Variants in NEMP2 observed in about 807,000 individuals in gnomAD.
The protein encoded by NEMP2 is nuclear envelope integral membrane protein 2, also known as UPF0571 transmembrane protein.
In NEMP2, 53 loss-of-function variants were observed where a neutral mutation model predicts 54.2. The ratio of observed to expected loss-of-function variants is 0.98; its 90% CI spans 0.78 to 1.23. NEMP2 has a LOEUF of 1.23. Ranked by LOEUF, NEMP2 falls within the 50% of genes most tolerant of loss-of-function variation. The probability of loss-of-function intolerance (pLI) is 0.00; values close to 1 mark genes in which losing one functional copy is unlikely to be tolerated. For missense variants in NEMP2, 455 were observed against 511.3 expected (o/e 0.89, Z 1.06); for synonymous variants, 197 against 190.3 (o/e 1.04, Z -0.29).
the NEMP2 span, among the ~76,000 whole-genome samples, chr2:190,562,655 T>C: frequency 6.6e-6 from 1 of 152,280 alleles, no homozygotes; most frequent in African/African-American, 2.4e-5. This position sits in a 1 kb window ranked among gnomAD's most constrained non-coding sequence, Gnocchi z 5.0. Flanking sequence ...GAAGATGGTC[T>C]CTATGACTCT....
the NEMP2 span, among the ~76,000 whole-genome samples, chr2:190,443,168 GC>G: frequency 6.6e-6 from 1 of 152,122 alleles, no homozygotes; most frequent in Non-Finnish European, 1.5e-5. This position sits in a 1 kb window ranked among gnomAD's most constrained non-coding sequence, Gnocchi z 4.2. Context: ...TCCTAGGTGG[GC>G]CTAAGACATA....
At chr2:190,599,034 T>C in the NEMP2 span, among the ~76,000 whole-genome samples, 1 of 152,060 alleles carries the variant, frequency 6.6e-6, no homozygotes, top group Non-Finnish European at 1.5e-5. Context: ...AAACAAGGAG[T>C]ATGGGCCAGG....
the NEMP2 span, among the ~76,000 whole-genome samples, chr2:190,557,512 A>G: frequency 6.6e-6 from 1 of 152,238 alleles, no homozygotes; most frequent in African/African-American, 2.4e-5. Context: ...ACAGCAAAAG[A>G]AACTATCATC....
At chr2:190,458,832 G>A in the NEMP2 span, among the ~76,000 whole-genome samples, 1 of 152,200 alleles carries the variant, frequency 6.6e-6, no homozygotes, top group Non-Finnish European at 1.5e-5. The surrounding 1 kb of genome is among the most constrained non-coding windows in gnomAD (Gnocchi z 5.3). Context: ...ATCAGAACCT[G>A]CATCTCTCCC....
Position 190,505,667 on chromosome 2 carries a change from A to C in NEMP2, c.*3522T>G, listed in dbSNP as rs1690170017. 1 of 152,262 alleles carries C rather than the reference A, an allele frequency of 6.6e-6. No homozygotes were observed. The highest frequency in any genetic ancestry group is 1.5e-5 in the Non-Finnish European group (1 of 68,050). The allele number at this position is 152,262 out of a possible 1,614,324, so 9.4% of individuals were successfully genotyped here. A position where few individuals can be genotyped will look rare whatever the true frequency, so the allele number is the denominator to read the frequency against. ...AAAAAAATACAGTTACCTTTAAAAG[A>C]TAATCCAACTCCTAGGCCAGAGAAA... is the stretch of plus-strand genomic sequence containing the variant. On this transcript the variant is annotated 3_prime_UTR_variant, in exon 9 of 9. Transcript: ENST00000409150. This position sits in a 1 kb window ranked among gnomAD's most constrained non-coding sequence, Gnocchi z 5.8.
chr2:190,548,400 A>G, the NEMP2 span, among the ~76,000 whole-genome samples: 1 of 152,196 alleles, frequency 6.6e-6, no homozygotes, highest in Non-Finnish European at 1.5e-5. Flanking sequence ...GGCTTCATAA[A>G]TATGTATTCC....
the NEMP2 span, among the ~76,000 whole-genome samples, chr2:190,567,148 T>G: frequency 6.6e-5 from 10 of 152,060 alleles, no homozygotes; most frequent in East Asian, 1.4e-3. The surrounding 1 kb of genome is among the most constrained non-coding windows in gnomAD (Gnocchi z 4.0). Context: ...AAAAGAACAA[T>G]TAGATAAAAA....
At chr2:190,444,694 T>C in the NEMP2 span, 9 of 154,540 alleles carry the variant, frequency 5.8e-5, no homozygotes, top group African/African-American at 1.9e-4. Context: ...ACTCCTGAAA[T>C]TGGATAATCA....
chr2:190,580,265 T>C, the NEMP2 span, among the ~76,000 whole-genome samples: 2 of 152,106 alleles, frequency 1.3e-5, no homozygotes, highest in African/African-American at 4.8e-5. This position sits in a 1 kb window ranked among gnomAD's most constrained non-coding sequence, Gnocchi z 5.3. Context: ...ATCCACAGAA[T>C]CACAAAATTA....
the NEMP2 span, chr2:190,442,950 A>G: frequency 6.6e-6 from 1 of 152,200 alleles, no homozygotes; most frequent in African/African-American, 2.4e-5. Flanking sequence ...TGTCTCCAAG[A>G]TAGTATTTCA....
chr2:190,588,738 G>A, the NEMP2 span, among the ~76,000 whole-genome samples: 1 of 152,118 alleles, frequency 6.6e-6, no homozygotes, highest in Non-Finnish European at 1.5e-5. This position sits in a 1 kb window ranked among gnomAD's most constrained non-coding sequence, Gnocchi z 5.0. Flanking sequence ...TCCTAATTGA[G>A]AAGAGCTGTC....
At chr2:190,524,982 T>A (rs1349988342) in intron 2 of NEMP2, among the ~76,000 whole-genome samples, 1 of 152,234 alleles carries the variant, frequency 6.6e-6, no homozygotes, top group Non-Finnish European at 1.5e-5. Flanking sequence ...ACATGTTGTC[T>A]TAAGACTGCC....
At chr2:190,432,544 G>A in the NEMP2 span, among the ~76,000 whole-genome samples, 1 of 152,156 alleles carries the variant, frequency 6.6e-6, no homozygotes, top group South Asian at 2.1e-4. Flanking sequence ...AGCCTCTAAA[G>A]TAGCTGAGAT....
chr2:190,461,389 A>G, the NEMP2 span, among the ~76,000 whole-genome samples: 4 of 152,210 alleles, frequency 2.6e-5, no homozygotes, highest in Non-Finnish European at 5.9e-5. The surrounding 1 kb of genome is among the most constrained non-coding windows in gnomAD (Gnocchi z 5.5). Flanking sequence ...TATCCATTAT[A>G]TGAGGTTCTA....
chr2:190,511,551 T>A lies in NEMP2; in HGVS notation c.954-1014A>T, dbSNP rs553767892. Reference sequence around the variant, plus strand: ...TTTTATTTATTTTTTAAATTAAATTTAATTTTTTTTTTTTTTTTTTTGAGC... The same window carrying A: ...TTTTATTTATTTTTTAAATTAAATTAAATTTTTTTTTTTTTTTTTTTGAGC... On this transcript the variant is annotated intron_variant, in intron 7 of 8. Transcript: ENST00000409150. Among the ~76,000 whole-genome samples, 1,049 of 145,670 alleles carry A rather than the reference T, an allele frequency of 7.2e-3. 14 individuals carry two copies. Among genetic ancestry groups the A allele is most frequent in the African/African-American group, 0.025 (982 of 38,522 alleles).
the NEMP2 span, among the ~76,000 whole-genome samples, chr2:190,492,028 C>T: frequency 1.3e-5 from 2 of 152,130 alleles, no homozygotes; most frequent in Non-Finnish European, 2.9e-5. The surrounding 1 kb of genome is among the most constrained non-coding windows in gnomAD (Gnocchi z 5.2). Flanking sequence ...TGGAAAGTCT[C>T]AGCAACAGAA....
At chr2:190,468,795 A>G in the NEMP2 span, among the ~76,000 whole-genome samples, 8 of 152,204 alleles carry the variant, frequency 5.3e-5, no homozygotes, top group Non-Finnish European at 1.2e-4. Context: ...GATTAGGAAA[A>G]TACCACTGAT....
the NEMP2 span, among the ~76,000 whole-genome samples, chr2:190,627,717 GTCCTTGATTTTTGCT>G: frequency 6.6e-6 from 1 of 151,756 alleles, no homozygotes; most frequent in Non-Finnish European, 1.5e-5. This position sits in a 1 kb window ranked among gnomAD's most constrained non-coding sequence, Gnocchi z 4.4. Flanking sequence ...TGACCTATTT[GTCCTTGATTTTTGCT>G]TCCAAAGATG....
the NEMP2 span, among the ~76,000 whole-genome samples, chr2:190,544,364 A>G: frequency 1.3e-5 from 2 of 150,832 alleles, no homozygotes; most frequent in African/African-American, 5.0e-5. Context: ...GGATTAGAAT[A>G]AATATAATTT....
Sources: allele counts gnomAD v4.1 joint callset (sites outside exome capture counted in the v4.1 genomes callset), GRCh38; gene constraint gnomAD v4.1.1; non-coding constraint Gnocchi (gnomAD v3.1); transcripts MANE v1.5; gene names NCBI Gene and HGNC (gene_info 2026-07-23, HGNC 2026-07-21).